Variants in SETBP1 observed in about 807,000 individuals in gnomAD.
The protein encoded by SETBP1 is SET binding protein 1.
SETBP1 carries 9 observed loss-of-function variants against 101.0 expected under a neutral mutation model. The observed-to-expected ratio is 0.09, with a 90% CI of 0.05 to 0.16. SETBP1 has a LOEUF of 0.16. Ranked by LOEUF, SETBP1 falls within the 10% of genes least tolerant of loss-of-function variation. The pLI is 1.00. For synonymous variants in SETBP1, 818 were observed against 788.5 expected, an observed-to-expected ratio of 1.04 and a Z score of -0.63; for missense variants, 1,858 against 2,033.8, an observed-to-expected ratio of 0.91 and a Z score of 1.66.
At chr18:44,814,631 G>A (rs2071937896) in intron 2 of SETBP1, among the ~76,000 whole-genome samples, 1 of 152,212 alleles carries the variant, frequency 6.6e-6, no homozygotes, top group Non-Finnish European at 1.5e-5. Flanking sequence ...ACAAGGACAA[G>A]TGTTTTTAAG....
intron 2 of SETBP1, among the ~76,000 whole-genome samples, chr18:44,738,680 A>C (rs556892553): frequency 6.6e-6 from 1 of 151,422 alleles, no homozygotes; most frequent in East Asian, 2.0e-4. Context: ...AGGCTGAGCC[A>C]GGAGAATCAC....
intron 2 of SETBP1, among the ~76,000 whole-genome samples, chr18:44,765,213 A>G (rs940122011): frequency 1.3e-5 from 2 of 152,166 alleles, no homozygotes; most frequent in Non-Finnish European, 2.9e-5. Context: ...CCTATAAGAT[A>G]GAAGTGAAGA....
chr18:44,779,538 C>A (rs1056155035), intron 2 of SETBP1, among the ~76,000 whole-genome samples: 1 of 151,948 alleles, frequency 6.6e-6, no homozygotes, highest in Non-Finnish European at 1.5e-5. Flanking sequence ...ATGGCCTGTC[C>A]GTGGTTACAC....
At chr18:45,022,415 A>G (rs1397959804) in intron 4 of SETBP1, among the ~76,000 whole-genome samples, 3 of 152,194 alleles carry the variant, frequency 2.0e-5, no homozygotes, top group Non-Finnish European at 4.4e-5. Flanking sequence ...CTTCCAAATA[A>G]GTGCTGAGTG....
At chr18:45,028,426 T>C (rs2073217616) in intron 4 of SETBP1, among the ~76,000 whole-genome samples, 1 of 152,214 alleles carries the variant, frequency 6.6e-6, no homozygotes, top group South Asian at 2.1e-4. Flanking sequence ...GACATTTGGG[T>C]TGGTTCCAAG....
intron 1 of SETBP1, among the ~76,000 whole-genome samples, chr18:44,694,695 T>G (rs186983972): frequency 3.9e-4 from 60 of 152,016 alleles, no homozygotes; most frequent in African/African-American, 1.4e-3. Context: ...GGCTTCACAA[T>G]GGGTAGAAGG....
Position 44,855,511 on chromosome 18 carries a change from T to A in SETBP1, c.487-13719T>A, listed in dbSNP as rs373927328. On this transcript the variant is annotated intron_variant, in intron 2 of 5. Coordinates refer to ENST00000649279, the MANE Select transcript of SETBP1 (RefSeq NM_015559.3). The stretch of plus-strand genomic sequence containing the variant: ...TTACCTGGACTGAATTCCAGACTAG[T>A]TGATGTCTTAAGTGGACGGGCTGAT... Among the ~76,000 whole-genome samples, 325 of 152,338 alleles carry A rather than the reference T, an allele frequency of 2.1e-3. 1 individual carries two copies. Among genetic ancestry groups the A allele is most frequent in the African/African-American group, 6.8e-3 (283 of 41,568 alleles).
chr18:45,063,055 T>G, intron 5 of SETBP1, 24 bp from the exon 6 acceptor site: 1 of 1,613,346 alleles, frequency 6.2e-7, no homozygotes. Context: ...TGTGCTCAAT[T>G]TCTTATCTCT....
intron 5 of SETBP1, among the ~76,000 whole-genome samples, chr18:45,048,057 G>A (rs187406359): frequency 2.0e-5 from 3 of 152,308 alleles, no homozygotes; most frequent in Admixed American, 2.0e-4. Context: ...AGACCAGAAG[G>A]GTTACAAATA....
At position 44,971,917 on chromosome 18, in the gene SETBP1, T is replaced by C. The variant is rs776376874; in HGVS notation, c.4000+18577T>C. Reference sequence around the variant, plus strand: ...TTGTCAATTTTGGCTTTTGTTGCCATTGCTTTTGGTGTTTTAGACATGAAG... The same window carrying C: ...TTGTCAATTTTGGCTTTTGTTGCCACTGCTTTTGGTGTTTTAGACATGAAG... On this transcript the variant is annotated intron_variant, in intron 4 of 5. Transcript: ENST00000649279. 4.0e-5 allele frequency among the ~76,000 whole-genome samples: 6 copies of C among 151,410 alleles called. No homozygotes were observed. In the East Asian group the frequency reaches 5.8e-4, roughly 15 times the overall value.
chr18:45,059,776 A>G (rs943028956), intron 5 of SETBP1, among the ~76,000 whole-genome samples: 2 of 152,226 alleles, frequency 1.3e-5, no homozygotes, highest in African/African-American at 2.4e-5. Context: ...CAGCACACAC[A>G]TAGAGAACAT....
chr18:44,689,087 G>A (rs1253776898), intron 1 of SETBP1, among the ~76,000 whole-genome samples: 1 of 152,184 alleles, frequency 6.6e-6, no homozygotes, highest in Non-Finnish European at 1.5e-5. Flanking sequence ...CTATTTGTGT[G>A]ATCAGGCCTA....
At chr18:44,734,296 C>T (rs546806588) in intron 2 of SETBP1, among the ~76,000 whole-genome samples, 4 of 152,272 alleles carry the variant, frequency 2.6e-5, no homozygotes, top group East Asian at 1.9e-4. Context: ...TAATTAAATT[C>T]GTACTCTCTG....
chr18:44,822,666 A>C (rs1489657358), intron 2 of SETBP1, among the ~76,000 whole-genome samples: 1 of 152,190 alleles, frequency 6.6e-6, no homozygotes, highest in Admixed American at 6.5e-5. Context: ...AAGATACTGA[A>C]CTGAAACTTG....
At chr18:44,922,004 A>G (rs2070592434) in intron 3 of SETBP1, among the ~76,000 whole-genome samples, 1 of 152,234 alleles carries the variant, frequency 6.6e-6, no homozygotes, top group South Asian at 2.1e-4. Flanking sequence ...CAATTGGCCA[A>G]GCTTGAGGAA....
intron 2 of SETBP1, among the ~76,000 whole-genome samples, chr18:44,821,172 T>C (rs947810279): frequency 6.6e-6 from 1 of 152,240 alleles, no homozygotes; most frequent in Admixed American, 6.5e-5. Flanking sequence ...TTTGTGCCAC[T>C]GTTGTTTTCA....
chr18:45,017,927 T>G (rs1315903827), intron 4 of SETBP1, among the ~76,000 whole-genome samples: 1 of 152,230 alleles, frequency 6.6e-6, no homozygotes, highest in Non-Finnish European at 1.5e-5. Flanking sequence ...AAGTCCTGGC[T>G]GCTCTCAGTG....
At chr18:44,949,781 A>T in intron 3 of SETBP1, 100 bp from the exon 4 acceptor site, 1 of 966,090 alleles carries the variant, frequency 1.0e-6, no homozygotes, top group South Asian at 1.4e-5. Context: ...CAACTTTCAG[A>T]TCATTGAGAC....
intron 5 of SETBP1, among the ~76,000 whole-genome samples, chr18:45,060,537 T>TA (rs556299167): frequency 1.1e-3 from 168 of 149,738 alleles, no homozygotes; most frequent in African/African-American, 3.9e-3. Flanking sequence ...GTTTTCTTAT[T>TA]AAAAAAAAAA....
Sources: gnomAD v4.1 joint callset for allele counts (sites outside exome capture counted in the v4.1 genomes callset) on GRCh38, gnomAD v4.1.1 for gene constraint, MANE v1.5 for transcripts, NCBI Gene and HGNC (gene_info 2026-07-23, HGNC 2026-07-21) for gene names.